GAS7: variants seen among roughly 807,000 people sequenced by gnomAD.
The protein encoded by GAS7 is growth arrest-specific protein 7.
In GAS7, 28 loss-of-function variants were observed where a neutral mutation model predicts 71.1. The ratio of observed to expected loss-of-function variants is 0.39; its 90% CI spans 0.29 to 0.54. The LOEUF (loss-of-function observed/expected upper bound fraction) is 0.54, where lower values mean the gene tolerates loss of function less well. Ranked by LOEUF, GAS7 falls within the 20% of genes least tolerant of loss-of-function variation. The pLI, the probability that GAS7 is intolerant of heterozygous loss-of-function variation, is 0.62. For synonymous variants in GAS7, 258 were observed against 245.8 expected (o/e 1.05, Z -0.46); for missense variants, 436 against 627.8 (o/e 0.69, Z 3.27).
chr17:9,967,385 C>G (rs2069762451), intron 4 of GAS7, among the ~76,000 whole-genome samples: 1 of 151,302 alleles, frequency 6.6e-6, no homozygotes, highest in Non-Finnish European at 1.5e-5. Context: ...TACTCAGCGT[C>G]ATCCCTGGTG....
In GAS7 at chr17:9,974,008, C is replaced by T. The variant is rs2070080188; in HGVS notation, c.386-4246G>A. Among the ~76,000 whole-genome samples, 1 of 152,138 alleles carries T rather than the reference C, an allele frequency of 6.6e-6. No individual in the cohort carries two copies. Among genetic ancestry groups the T allele is most frequent in the Non-Finnish European group, 1.5e-5 (1 of 68,026 alleles). ...CCTCCCCAGACCCTCCAAATGCATG[C>T]CCAGGTCCTGCCTCTCCTCTGCCCC... On this transcript the variant is annotated intron_variant, in intron 3 of 13. Coordinates refer to ENST00000432992, the MANE Select transcript of GAS7 (RefSeq NM_201433.2). The surrounding 1 kb of genome is among the most constrained non-coding windows in gnomAD (Gnocchi z 4.0).
At chr17:10,015,559 G>A (rs1474412992) in intron 2 of GAS7, among the ~76,000 whole-genome samples, 1 of 152,134 alleles carries the variant, frequency 6.6e-6, no homozygotes, top group Non-Finnish European at 1.5e-5. Context: ...AAAAACATGA[G>A]TGGCTATTCT....
chr17:10,101,852 T>C (rs1334762621), intron 1 of GAS7, among the ~76,000 whole-genome samples: 1 of 152,194 alleles, frequency 6.6e-6, no homozygotes, highest in African/African-American at 2.4e-5. Flanking sequence ...TCTCAGTTTT[T>C]CACGCTCTTT....
At chr17:10,151,908 T>C (rs1031070496) in intron 1 of GAS7, among the ~76,000 whole-genome samples, 15 of 152,176 alleles carry the variant, frequency 9.9e-5, no homozygotes, top group African/African-American at 2.4e-4. Flanking sequence ...CCTTTGTTAA[T>C]GGAAGAAGAG....
chr17:10,164,453 A>AAG (rs1263075316), intron 1 of GAS7, among the ~76,000 whole-genome samples: 1 of 151,576 alleles, frequency 6.6e-6, no homozygotes, highest in East Asian at 1.9e-4. Flanking sequence ...AAAAAAAAAA[A>AAG]AAGAAATATG....
At chr17:10,063,141 T>A (rs2073238183) in intron 1 of GAS7, among the ~76,000 whole-genome samples, 1 of 152,250 alleles carries the variant, frequency 6.6e-6, no homozygotes, top group Admixed American at 6.5e-5. Context: ...TTCATGGGGT[T>A]TCCCCTAGAG....
At chr17:10,061,339 A>G (rs1457706720) in intron 1 of GAS7, 1 of 152,230 alleles carries the variant, frequency 6.6e-6, no homozygotes, top group East Asian at 1.9e-4. Flanking sequence ...AATAAACAGA[A>G]TTACAGCATT....
chr17:10,118,168 C>T (rs930201889), intron 1 of GAS7, among the ~76,000 whole-genome samples: 2 of 149,070 alleles, frequency 1.3e-5, no homozygotes, highest in Non-Finnish European at 1.5e-5. Context: ...GTCAGTCACT[C>T]GTTGCAAGAC....
At chr17:10,190,265 C>T (rs1242301119) in intron 1 of GAS7, among the ~76,000 whole-genome samples, 6 of 152,112 alleles carry the variant, frequency 3.9e-5, no homozygotes, top group Admixed American at 6.6e-5. Flanking sequence ...GATTTGCCAA[C>T]GCAAGTTAAG....
intron 3 of GAS7, among the ~76,000 whole-genome samples, chr17:9,973,508 C>A (rs2070058200): frequency 6.6e-6 from 1 of 152,182 alleles, no homozygotes; most frequent in Admixed American, 6.5e-5. Context: ...CCAGCCTCAG[C>A]CTCCCAAAGT....
At chr17:10,115,310 C>T (rs1420938391) in intron 1 of GAS7, among the ~76,000 whole-genome samples, 1 of 152,214 alleles carries the variant, frequency 6.6e-6, no homozygotes, top group Non-Finnish European at 1.5e-5. Flanking sequence ...CCCCGTGGGA[C>T]TGGCGGGTGC....
In GAS7 at chr17:9,919,479, T is replaced by C; in HGVS notation, c.1218+147A>G. On this transcript the variant is annotated intron_variant, in intron 12 of 13. Coordinates refer to ENST00000432992, the MANE Select transcript of GAS7 (RefSeq NM_201433.2). The surrounding 1 kb of genome is among the most constrained non-coding windows in gnomAD (Gnocchi z 5.0). ...TGAATCCACATAAGCTGGCTCACAT[T>C]GAGGTTTCGACCCCAACACTGAAGT... is the stretch of plus-strand genomic sequence containing the variant. 1.4e-6 allele frequency: 1 copy of C among 717,898 alleles called. No homozygotes were observed. Among genetic ancestry groups the C allele is most frequent in the Admixed American group, 2.0e-5 (1 of 50,328 alleles). 44.5% of individuals were successfully genotyped at this position (717,898 alleles called of 1,614,324 possible).
chr17:9,965,538 G>A (rs910826201), intron 4 of GAS7, among the ~76,000 whole-genome samples: 13 of 152,134 alleles, frequency 8.5e-5, no homozygotes, highest in African/African-American at 3.1e-4. Context: ...AGGAGGGAGA[G>A]CATTAGGACA....
chr17:10,078,736 A>G (rs2073423887), intron 1 of GAS7, among the ~76,000 whole-genome samples: 1 of 152,150 alleles, frequency 6.6e-6, no homozygotes, highest in Non-Finnish European at 1.5e-5. Context: ...AGGGGGATAT[A>G]CAACAGTATA....
At chr17:10,061,116 TG>T (rs935608539) in intron 1 of GAS7, 4 of 152,318 alleles carry the variant, frequency 2.6e-5, no homozygotes, top group African/African-American at 9.6e-5. Context: ...GGACCAAAAC[TG>T]ACTGTGCCAA....
At chr17:10,119,411 A>C (rs1003751171) in intron 1 of GAS7, among the ~76,000 whole-genome samples, 1 of 152,234 alleles carries the variant, frequency 6.6e-6, no homozygotes, top group Non-Finnish European at 1.5e-5. Context: ...CATTTTATTT[A>C]AGGAGACAGA....
At chr17:10,067,454 A>T (rs189521325) in intron 1 of GAS7, among the ~76,000 whole-genome samples, 1 of 152,162 alleles carries the variant, frequency 6.6e-6, no homozygotes. Context: ...CATGTTGGCC[A>T]GGCTGGTCTC....
intron 1 of GAS7, among the ~76,000 whole-genome samples, chr17:10,175,026 A>G (rs1423882049): frequency 6.6e-6 from 1 of 151,950 alleles, no homozygotes; most frequent in Non-Finnish European, 1.5e-5. Flanking sequence ...TTTATTTTCT[A>G]TAGAGATGGG....
chr17:10,094,039 G>GA (rs1207892378), intron 1 of GAS7, among the ~76,000 whole-genome samples: 6 of 152,158 alleles, frequency 3.9e-5, no homozygotes, highest in Non-Finnish European at 8.8e-5. Flanking sequence ...GCAAATAGGG[G>GA]ACAACTCTTT....
Sources: gnomAD v4.1 joint callset for allele counts (sites outside exome capture counted in the v4.1 genomes callset) on GRCh38, gnomAD v4.1.1 for gene constraint, Gnocchi (gnomAD v3.1) non-coding constraint, MANE v1.5 for transcripts, NCBI Gene and HGNC (gene_info 2026-07-23, HGNC 2026-07-21) for gene names.